Variants in TMTC2 observed in about 807,000 individuals in gnomAD.
TMTC2 encodes transmembrane O-mannosyltransferase targeting cadherins 2.
A neutral mutation model predicts 82.4 loss-of-function variants in TMTC2; 43 were observed. The observed-to-expected ratio is 0.52, with a 90% CI of 0.41 to 0.67. The LOEUF is 0.67. TMTC2 is among the 30% of genes least tolerant of loss of function. The probability of loss-of-function intolerance (pLI) is 0.00; values close to 1 mark genes in which losing one functional copy is unlikely to be tolerated. For synonymous variants in TMTC2, 408 were observed against 381.9 expected (o/e 1.07, Z -0.80); for missense variants, 919 against 1,012.4 (o/e 0.91, Z 1.25).
At chr12:82,920,309 A>T (rs2137226954) in intron 3 of TMTC2, among the ~76,000 whole-genome samples, 1 of 152,360 alleles carries the variant, frequency 6.6e-6, no homozygotes, top group Non-Finnish European at 1.5e-5. Context: ...TTTACTCTAT[A>T]AACTTAAAAC....
chr12:82,862,141 T>C (rs889822835), intron 2 of TMTC2, among the ~76,000 whole-genome samples: 9 of 152,160 alleles, frequency 5.9e-5, no homozygotes, highest in Non-Finnish European at 8.8e-5. Context: ...TTTTATGTGG[T>C]CAAAAAATAA....
chr12:82,877,110 A>G (rs991380083), intron 2 of TMTC2, among the ~76,000 whole-genome samples: 1 of 152,152 alleles, frequency 6.6e-6, no homozygotes, highest in African/African-American at 2.4e-5. Flanking sequence ...GAAAGTGAAT[A>G]CTGTAATACT....
intron 11 of TMTC2, among the ~76,000 whole-genome samples, chr12:83,089,580 G>A (rs978916750): frequency 6.6e-6 from 1 of 152,126 alleles, no homozygotes; most frequent in Non-Finnish European, 1.5e-5. Flanking sequence ...CAAACAAATA[G>A]TAATAGGCTG....
At chr12:83,086,437 A>G (rs945553754) in intron 11 of TMTC2, among the ~76,000 whole-genome samples, 8 of 152,204 alleles carry the variant, frequency 5.3e-5, no homozygotes, top group African/African-American at 1.9e-4. Flanking sequence ...TTTAATGCAC[A>G]GCATTCTGTT....
At chr12:83,123,823 G>T (rs192904454) in intron 11 of TMTC2, among the ~76,000 whole-genome samples, 1 of 152,224 alleles carries the variant, frequency 6.6e-6, no homozygotes, top group Non-Finnish European at 1.5e-5. Flanking sequence ...TTCTCATTCT[G>T]GGAGTCTAAG....
chr12:82,716,904 A>G (rs1411078863), intron 1 of TMTC2, among the ~76,000 whole-genome samples: 2 of 152,174 alleles, frequency 1.3e-5, no homozygotes, highest in Non-Finnish European at 2.9e-5. Flanking sequence ...TCTTTCTGCA[A>G]TTTGTTGATA....
chr12:83,091,881 T>A (rs1256274049), intron 11 of TMTC2, among the ~76,000 whole-genome samples: 3 of 152,244 alleles, frequency 2.0e-5, no homozygotes, highest in African/African-American at 7.2e-5. Context: ...CATATTGAGA[T>A]TGTGTTACAG....
intron 1 of TMTC2, among the ~76,000 whole-genome samples, chr12:82,842,436 A>G (rs1192867296): frequency 6.6e-6 from 1 of 152,196 alleles, no homozygotes; most frequent in East Asian, 1.9e-4. Context: ...AACCCTATTT[A>G]CAATCACAAA....
intron 11 of TMTC2, among the ~76,000 whole-genome samples, chr12:83,087,345 C>A (rs1263926220): frequency 2.0e-5 from 3 of 152,164 alleles, no homozygotes; most frequent in African/African-American, 7.2e-5. Context: ...CCCTCGAAGT[C>A]ATCCATGAGG....
In TMTC2 at chr12:83,045,142, C is replaced by T. The variant is rs552543173; in HGVS notation, c.2153-5762C>T. ...AACAGTTCAATACAAAACAATTGCT[C>T]TTTCCCTTTTCCCACTTTAGCCCAT... On this transcript the variant is annotated intron_variant, in intron 9 of 11. Transcript: ENST00000321196. 2.6e-5 allele frequency among the ~76,000 whole-genome samples: 4 copies of T among 152,338 alleles called. No individual in the cohort carries two copies. The East Asian group carries it at 7.7e-4, about 29-fold the overall frequency.
chr12:82,889,563 TTAAA>T (rs1456591130), intron 2 of TMTC2, among the ~76,000 whole-genome samples: 8 of 152,216 alleles, frequency 5.3e-5, no homozygotes, highest in African/African-American at 1.7e-4. Context: ...ACTTCTACAC[TTAAA>T]TAAAAAATAA....
intron 1 of TMTC2, among the ~76,000 whole-genome samples, chr12:82,744,085 T>A (rs1875555760): frequency 6.6e-6 from 1 of 151,918 alleles, no homozygotes; most frequent in African/African-American, 2.4e-5. Flanking sequence ...CTGGCCTGCG[T>A]AACAAAACGA....
At chr12:83,046,298 A>G (rs760886140) in intron 9 of TMTC2, among the ~76,000 whole-genome samples, 1 of 152,174 alleles carries the variant, frequency 6.6e-6, no homozygotes, top group African/African-American at 2.4e-5. Flanking sequence ...TGTTTTTCCC[A>G]TAAGACACTG....
At chr12:83,043,094 A>G (rs1397089351) in intron 9 of TMTC2, among the ~76,000 whole-genome samples, 1 of 152,230 alleles carries the variant, frequency 6.6e-6, no homozygotes, top group African/African-American at 2.4e-5. Context: ...AGGGAAGGCT[A>G]GAGAGATTAG....
intron 8 of TMTC2, among the ~76,000 whole-genome samples, chr12:83,005,076 C>T (rs141338687): frequency 0.011 from 1,640 of 151,646 alleles, 8 homozygotes; most frequent in Non-Finnish European, 0.016. Flanking sequence ...TGGTGGTGTG[C>T]GCCTGTAATC....
At chr12:83,023,775 G>C (rs777492925) in intron 8 of TMTC2, among the ~76,000 whole-genome samples, 1 of 152,200 alleles carries the variant, frequency 6.6e-6, no homozygotes, top group African/African-American at 2.4e-5. Flanking sequence ...TTGACCTCTA[G>C]CTGCCCTTGG....
chr12:83,090,989 T>G (rs970238774), intron 11 of TMTC2, among the ~76,000 whole-genome samples: 3 of 152,312 alleles, frequency 2.0e-5, no homozygotes, highest in Middle Eastern at 3.4e-3. Flanking sequence ...TTTTAGGGTA[T>G]CCATAAAAAA....
chr12:82,997,461 A>G (rs894864133), intron 8 of TMTC2, among the ~76,000 whole-genome samples: 1 of 132,974 alleles, frequency 7.5e-6, no homozygotes, highest in Non-Finnish European at 1.6e-5. Flanking sequence ...ATATTTTTAT[A>G]TATAGTTATG....
intron 11 of TMTC2, among the ~76,000 whole-genome samples, chr12:83,096,948 A>G (rs1884049563): frequency 6.6e-6 from 1 of 152,092 alleles, no homozygotes; most frequent in African/African-American, 2.4e-5. Context: ...ATCATAATTA[A>G]TCTTTATATA....
Sources: gnomAD v4.1 joint callset for allele counts (sites outside exome capture counted in the v4.1 genomes callset) on GRCh38, gnomAD v4.1.1 for gene constraint, MANE v1.5 for transcripts, NCBI Gene and HGNC (gene_info 2026-07-23, HGNC 2026-07-21) for gene names.